KCNK2: variants seen among roughly 807,000 people sequenced by gnomAD.
The protein encoded by KCNK2 is potassium channel subfamily K member 2.
A neutral mutation model predicts 40.5 loss-of-function variants in KCNK2; 21 were observed. The ratio of observed to expected loss-of-function variants is 0.52; its 90% CI spans 0.37 to 0.75. KCNK2 has a LOEUF of 0.75. Among genes scored for constraint, KCNK2 ranks in the 30% least tolerant of loss-of-function variants. The pLI is 0.00. For missense variants in KCNK2, 399 were observed against 531.6 expected (o/e 0.75, Z 2.45); for synonymous variants, 191 against 202.2 (o/e 0.94, Z 0.47).
At chr1:215,093,949 A>G (rs1659866713) in intron 2 of KCNK2, among the ~76,000 whole-genome samples, 1 of 127,258 alleles carries the variant, frequency 7.9e-6, no homozygotes, top group Admixed American at 1.0e-4. Context: ...CAATATATAT[A>G]ATATATAAAA....
intron 2 of KCNK2, among the ~76,000 whole-genome samples, chr1:215,093,054 A>G (rs1206872074): frequency 6.6e-6 from 1 of 152,106 alleles, no homozygotes; most frequent in Non-Finnish European, 1.5e-5. Context: ...CAGACTGAAG[A>G]TACACATTTG....
chr1:215,222,424 C>T (rs1001205529), intron 6 of KCNK2, among the ~76,000 whole-genome samples: 12 of 152,106 alleles, frequency 7.9e-5, no homozygotes, highest in Middle Eastern at 3.2e-3. Flanking sequence ...CACACCTCAT[C>T]ATTAAGACAG....
intron 2 of KCNK2, among the ~76,000 whole-genome samples, chr1:215,113,249 T>G (rs1416437049): frequency 6.6e-6 from 1 of 152,188 alleles, no homozygotes; most frequent in Non-Finnish European, 1.5e-5. Flanking sequence ...TGCTTAGAAC[T>G]TTCAGTATTT....
chr1:215,195,804 C>T (rs1399215687), intron 6 of KCNK2, among the ~76,000 whole-genome samples: 1 of 152,114 alleles, frequency 6.6e-6, no homozygotes, highest in Non-Finnish European at 1.5e-5. Flanking sequence ...TTGAATGTGA[C>T]AGGGTAATGT....
At chr1:215,061,369 G>A (rs796780870) in intron 1 of KCNK2, among the ~76,000 whole-genome samples, 1 of 152,044 alleles carries the variant, frequency 6.6e-6, no homozygotes, top group Non-Finnish European at 1.5e-5. Context: ...TTAGAAGTGT[G>A]AGTTTACCAG....
intron 1 of KCNK2, among the ~76,000 whole-genome samples, chr1:215,029,016 G>C (rs1345248427): frequency 1.3e-5 from 2 of 150,708 alleles, no homozygotes; most frequent in East Asian, 1.9e-4. Flanking sequence ...TTCACTGAAG[G>C]GTACAGAAAT....
At chr1:215,203,105 C>T (rs374699646) in intron 6 of KCNK2, among the ~76,000 whole-genome samples, 1 of 151,994 alleles carries the variant, frequency 6.6e-6, no homozygotes, top group Non-Finnish European at 1.5e-5. Flanking sequence ...CCAAGGCTTA[C>T]CCATCTGTTA....
intron 1 of KCNK2, among the ~76,000 whole-genome samples, chr1:215,068,992 C>A (rs892502989): frequency 6.6e-6 from 1 of 152,144 alleles, no homozygotes; most frequent in Non-Finnish European, 1.5e-5. Flanking sequence ...AAAAATCAAG[C>A]AAACCCAAAG....
At chr1:215,198,820 A>C (rs559886614) in intron 6 of KCNK2, among the ~76,000 whole-genome samples, 2 of 152,362 alleles carry the variant, frequency 1.3e-5, no homozygotes, top group Non-Finnish European at 2.9e-5. Context: ...TATAAAAAAT[A>C]CAAAATTAAA....
chr1:215,218,419 C>T (rs1234935098), intron 6 of KCNK2, among the ~76,000 whole-genome samples: 2 of 152,166 alleles, frequency 1.3e-5, no homozygotes, highest in Non-Finnish European at 2.9e-5. Context: ...GTATCGCTAC[C>T]CGACTATGTC....
intron 1 of KCNK2, among the ~76,000 whole-genome samples, chr1:215,016,498 T>C (rs2841610): frequency 0.56 from 85,109 of 151,930 alleles, 25,506 homozygotes; most frequent in South Asian, 0.78. Context: ...GAACACACAA[T>C]AAGGAAAGGG....
intron 3 of KCNK2, among the ~76,000 whole-genome samples, chr1:215,162,614 G>T (rs1256771271): frequency 6.6e-6 from 1 of 152,038 alleles, no homozygotes; most frequent in Non-Finnish European, 1.5e-5. Flanking sequence ...GTAAAGAAGG[G>T]GTCCAGTTTC....
chr1:215,100,282 C>T (rs1255287457), intron 2 of KCNK2, among the ~76,000 whole-genome samples: 2 of 151,920 alleles, frequency 1.3e-5, no homozygotes, highest in African/African-American at 4.8e-5. Context: ...GATTTCCAAG[C>T]AGGGCAGCCC....
At chr1:215,010,860 T>TGTGTGTGTGTG (rs1553254938) in intron 1 of KCNK2, among the ~76,000 whole-genome samples, 1 of 116,040 alleles carries the variant, frequency 8.6e-6, no homozygotes, top group African/African-American at 3.5e-5. Context: ...GATTTTTTTT[T>TGTGTGTGTGTG]TTTTTTTTTG....
chr1:215,083,041 G>T lies in KCNK2; in HGVS notation c.-345G>T, dbSNP rs1019696970. 3.1e-5 allele frequency: 5 copies of T among 161,112 alleles called. No homozygotes were observed. The highest frequency in any genetic ancestry group is 9.8e-5 in the African/African-American group (4 of 41,008). The allele number at this position is 161,112 out of a possible 1,614,324, so 10.0% of individuals were successfully genotyped here. A position where few individuals can be genotyped will look rare whatever the true frequency, so the allele number is the denominator to read the frequency against. ...GGCGGCGGCGGCGGCGGGCAGGCGC[G>T]GGACCCGGGTCGCCCGCGCTCTCCG... On this transcript the variant is annotated 5_prime_UTR_variant, in exon 1 of 7. Transcript: ENST00000444842.
intron 1 of KCNK2, among the ~76,000 whole-genome samples, chr1:215,027,403 A>G (rs1274197732): frequency 1.3e-5 from 2 of 152,294 alleles, no homozygotes; most frequent in East Asian, 1.9e-4. Context: ...AAATATTTCC[A>G]TTAACTTTTC....
At chr1:215,130,660 G>A (rs1363859305) in intron 3 of KCNK2, among the ~76,000 whole-genome samples, 1 of 152,062 alleles carries the variant, frequency 6.6e-6, no homozygotes, top group Non-Finnish European at 1.5e-5. Context: ...ACTGGGTGGA[G>A]GAAACATCTC....
chr1:215,086,718 T>A lies in KCNK2; in HGVS notation c.357+40T>A, dbSNP rs74143651. 5,361 of 1,568,814 alleles carry A rather than the reference T, an allele frequency of 3.4e-3. 165 individuals are homozygous for A. In the African/African-American group the frequency reaches 0.062, roughly 18 times the overall value. ...GGAGTTGTTACTCTGTTCCCCCAAA[T>A]GGGAAATAAAGTGATAGGAGGAGAC... On this transcript the variant is annotated intron_variant, in intron 2 of 6. Coordinates refer to ENST00000444842, the MANE Select transcript of KCNK2 (RefSeq NM_001017425.3).
chr1:215,009,000 A>G (rs115100030), intron 1 of KCNK2, among the ~76,000 whole-genome samples: 3 of 152,212 alleles, frequency 2.0e-5, no homozygotes, highest in African/African-American at 7.2e-5. Flanking sequence ...GCCATTGCTA[A>G]TTGATTTTCC....
Sources: allele counts gnomAD v4.1 joint callset (sites outside exome capture counted in the v4.1 genomes callset), GRCh38; gene constraint gnomAD v4.1.1; transcripts MANE v1.5; gene names NCBI Gene and HGNC (gene_info 2026-07-23, HGNC 2026-07-21).